The following GPC6 variants were observed in gnomAD, a reference collection of about 807,000 sequenced individuals.
GPC6 encodes glypican-6.
GPC6 carries 14 observed loss-of-function variants against 55.2 expected under a neutral mutation model. The observed-to-expected ratio is 0.25, with a 90% CI of 0.17 to 0.40. The LOEUF (loss-of-function observed/expected upper bound fraction) is 0.40. GPC6 is among the 10% of genes least tolerant of loss of function. The probability of loss-of-function intolerance (pLI) is 1.00; values close to 1 mark genes in which losing one functional copy is unlikely to be tolerated. For synonymous variants in GPC6, 278 were observed against 259.6 expected (o/e 1.07, Z -0.68); for missense variants, 641 against 708.5 (o/e 0.90, Z 1.08).
chr13:94,294,535 G>A (rs539584299), intron 5 of GPC6, among the ~76,000 whole-genome samples: 14 of 151,908 alleles, frequency 9.2e-5, no homozygotes, highest in African/African-American at 3.1e-4. Context: ...TGTGAAAGGA[G>A]GGGTTAATCT....
At position 93,380,637 on chromosome 13, in the gene GPC6, A is replaced by G. The variant is rs1035808121; in HGVS notation, c.160+153021A>G. ...GTATCTAGAGATGATTGTATAGAAA[A>G]TAGCCAGTCACTGTCTTTAGATATA... On this transcript the variant is annotated intron_variant, in intron 1 of 8. Coordinates refer to ENST00000377047, the MANE Select transcript of GPC6 (RefSeq NM_005708.5). Among the ~76,000 whole-genome samples, 11 of 152,220 alleles carry G rather than the reference A, an allele frequency of 7.2e-5. No homozygotes were observed. The East Asian group carries it at 7.7e-4, about 11-fold the overall frequency.
At chr13:94,168,738 T>G (rs920186496) in intron 4 of GPC6, among the ~76,000 whole-genome samples, 2 of 148,642 alleles carry the variant, frequency 1.3e-5, no homozygotes, top group Admixed American at 1.3e-4. Flanking sequence ...TATATAATTA[T>G]ATTTTACAAC....
intron 1 of GPC6, among the ~76,000 whole-genome samples, chr13:93,249,829 T>C (rs996265): frequency 0.59 from 88,981 of 152,086 alleles, 26,889 homozygotes; most frequent in African/African-American, 0.71. Flanking sequence ...AATATACATA[T>C]GTTGCAACTC....
At chr13:93,753,770 ACT>A (rs1884679418) in intron 2 of GPC6, among the ~76,000 whole-genome samples, 2 of 148,902 alleles carry the variant, frequency 1.3e-5, no homozygotes, top group Admixed American at 6.7e-5. Context: ...TCATCCTTTC[ACT>A]CTCTGTCTTA....
intron 6 of GPC6, among the ~76,000 whole-genome samples, chr13:94,374,626 C>G (rs1007783568): frequency 6.6e-6 from 1 of 150,774 alleles, no homozygotes; most frequent in Non-Finnish European, 1.5e-5. Context: ...ACTTTAACAC[C>G]CCACTGTCAA....
At chr13:93,922,423 C>T (rs1877621978) in intron 3 of GPC6, among the ~76,000 whole-genome samples, 1 of 152,080 alleles carries the variant, frequency 6.6e-6, no homozygotes, top group Non-Finnish European at 1.5e-5. Context: ...GACAGTTGTT[C>T]CTTCTTCATA....
At chr13:93,362,981 T>C (rs1881095567) in intron 1 of GPC6, among the ~76,000 whole-genome samples, 1 of 152,132 alleles carries the variant, frequency 6.6e-6, no homozygotes, top group South Asian at 2.1e-4. Flanking sequence ...CAGAACAGTC[T>C]GAATTCAACA....
intron 2 of GPC6, among the ~76,000 whole-genome samples, chr13:93,733,594 A>G (rs1204591319): frequency 1.3e-5 from 2 of 151,902 alleles, no homozygotes; most frequent in East Asian, 3.9e-4. Context: ...AAAAAATCTG[A>G]GAAGTCAAGG....
intron 6 of GPC6, among the ~76,000 whole-genome samples, chr13:94,342,713 C>A (rs1414085202): frequency 6.6e-6 from 1 of 152,174 alleles, no homozygotes; most frequent in Non-Finnish European, 1.5e-5. Context: ...ATCCGTCACT[C>A]CCTGGTGCAC....
At chr13:93,292,327 T>A (rs537489966) in intron 1 of GPC6, among the ~76,000 whole-genome samples, 2 of 152,314 alleles carry the variant, frequency 1.3e-5, no homozygotes, top group East Asian at 3.9e-4. Flanking sequence ...TGGTGCCCTA[T>A]GCAAGTGGCA....
At chr13:94,136,584 C>T (rs1242222679) in intron 4 of GPC6, among the ~76,000 whole-genome samples, 2 of 152,094 alleles carry the variant, frequency 1.3e-5, no homozygotes, top group Non-Finnish European at 2.9e-5. Flanking sequence ...GTGGTGGGTG[C>T]CTGTAGTCCC....
chr13:93,704,191 C>T lies in GPC6; in HGVS notation c.320-125963C>T, dbSNP rs571397922. ...TCATTTTCTTTTCCCCTTTCATGGG[C>T]ACATATATGGAAGGGAAGTAGCTAG... On this transcript the variant is annotated intron_variant, in intron 2 of 8. Transcript: ENST00000377047. Among the ~76,000 whole-genome samples the T allele has an allele frequency of 2.6e-5, 4 of 151,938 alleles. No homozygotes were observed. In the South Asian group the frequency reaches 8.3e-4, roughly 32 times the overall value.
At chr13:93,864,743 G>T (rs934152701) in intron 3 of GPC6, among the ~76,000 whole-genome samples, 9 of 151,732 alleles carry the variant, frequency 5.9e-5, no homozygotes, top group African/African-American at 1.7e-4. Context: ...GGCTAAGCTA[G>T]TTGCATAAGG....
intron 2 of GPC6, among the ~76,000 whole-genome samples, chr13:93,609,139 T>A (rs1424439166): frequency 1.3e-5 from 2 of 152,192 alleles, no homozygotes; most frequent in Admixed American, 1.3e-4. Flanking sequence ...TCGTCTTTCT[T>A]ATTATCTCTC....
chr13:93,349,499 A>G lies in GPC6; in HGVS notation c.160+121883A>G, dbSNP rs180849008. Reference sequence around the variant, plus strand: ...GTGCATTTTAGATGATTATTTTAATATAATCTCCGTGTGATTAATTTGCCA... The same window carrying G: ...GTGCATTTTAGATGATTATTTTAATGTAATCTCCGTGTGATTAATTTGCCA... On this transcript the variant is annotated intron_variant, in intron 1 of 8. Transcript: ENST00000377047. Among the ~76,000 whole-genome samples, 101 of 152,324 alleles carry G rather than the reference A, an allele frequency of 6.6e-4. 1 individual carries two copies. The highest frequency in any genetic ancestry group is 1.9e-4 in the Non-Finnish European group (13 of 68,024).
At chr13:93,725,582 G>A (rs977560036) in intron 2 of GPC6, among the ~76,000 whole-genome samples, 3 of 151,910 alleles carry the variant, frequency 2.0e-5, no homozygotes, top group Non-Finnish European at 4.4e-5. Flanking sequence ...CCCCATGCCC[G>A]GTAAAGATTT....
intron 2 of GPC6, among the ~76,000 whole-genome samples, chr13:93,768,129 G>T (rs1885181505): frequency 6.6e-6 from 1 of 152,146 alleles, no homozygotes; most frequent in South Asian, 2.1e-4. Flanking sequence ...CACATTCAAG[G>T]CACAGACCTG....
chr13:93,678,853 G>A (rs1272237924), intron 2 of GPC6, among the ~76,000 whole-genome samples: 1 of 151,914 alleles, frequency 6.6e-6, no homozygotes. Context: ...GGACAACCTG[G>A]GTCCACCTGA....
chr13:93,854,334 T>G lies in GPC6; in HGVS notation c.711+23789T>G, dbSNP rs140041545. Among the ~76,000 whole-genome samples, 312 of 151,780 alleles carry G rather than the reference T, an allele frequency of 2.1e-3. 2 individuals carry two copies. The highest frequency in any genetic ancestry group is 7.3e-3 in the African/African-American group (304 of 41,478). Reference sequence around the variant, plus strand: ...CAAGCTACCTTATATTGAAAAACTATTTTTTTCACGATAGTAGTATTTGAT... The same window carrying G: ...CAAGCTACCTTATATTGAAAAACTAGTTTTTTCACGATAGTAGTATTTGAT... On this transcript the variant is annotated intron_variant, in intron 3 of 8. Transcript: ENST00000377047.
Sources: allele counts gnomAD v4.1 joint callset (sites outside exome capture counted in the v4.1 genomes callset), GRCh38; gene constraint gnomAD v4.1.1; transcripts MANE v1.5; gene names NCBI Gene and HGNC (gene_info 2026-07-23, HGNC 2026-07-21).